MGLL: variants seen among roughly 807,000 people sequenced by gnomAD.
MGLL encodes monoglyceride lipase, also known as lysophospholipase homolog.
MGLL carries 7 observed loss-of-function variants against 29.1 expected under a neutral mutation model. The observed-to-expected ratio is 0.24, with a 90% CI of 0.14 to 0.45. The LOEUF is 0.45. Among genes scored for constraint, MGLL ranks in the 20% least tolerant of loss-of-function variants. The pLI, the probability that MGLL is intolerant of heterozygous loss-of-function variation, is 0.99. For synonymous variants in MGLL, 148 were observed against 168.3 expected (o/e 0.88, Z 0.93); for missense variants, 356 against 413.6 (o/e 0.86, Z 1.21).
chr3:127,812,070 T>C (rs1022146722), intron 2 of MGLL, among the ~76,000 whole-genome samples: 49 of 152,216 alleles, frequency 3.2e-4, no homozygotes, highest in Admixed American at 3.1e-3. Context: ...CAGAAACATT[T>C]CTACCAACCA....
chr3:127,746,279 CG>C (rs2076440978), intron 3 of MGLL, among the ~76,000 whole-genome samples: 1 of 152,182 alleles, frequency 6.6e-6, no homozygotes, highest in African/African-American at 2.4e-5. Context: ...CTCTGCACAG[CG>C]TCCTTCCTAC....
At chr3:127,752,277 T>G (rs2076573654) in intron 3 of MGLL, among the ~76,000 whole-genome samples, 1 of 152,192 alleles carries the variant, frequency 6.6e-6, no homozygotes, top group African/African-American at 2.4e-5. Flanking sequence ...TTTTGTATTT[T>G]TAGTAGAGAT....
rs182957553 is a variant in MGLL at position 127,782,209 on chromosome 3, G to A, written c.156-314C>T. Among the ~76,000 whole-genome samples the A allele has an allele frequency of 4.5e-4, 69 of 152,150 alleles. 1 individual carries two copies. Among genetic ancestry groups the A allele is most frequent in the Admixed American group, 4.1e-3 (63 of 15,278 alleles). ...TGTACTCCAGCCTGGGTGACAGAGC[G>A]AGACTCTGTCTCCAAAAAAATAGAA... On this transcript the variant is annotated intron_variant, in intron 2 of 7. Transcript: ENST00000265052.
chr3:127,734,750 C>T (rs370474609), intron 3 of MGLL, among the ~76,000 whole-genome samples: 20 of 152,244 alleles, frequency 1.3e-4, no homozygotes, highest in African/African-American at 4.6e-4. Flanking sequence ...CCAGCAAATG[C>T]CTTCTCTCTG....
At chr3:127,754,467 A>AGGGCC (rs1384975602) in intron 3 of MGLL, among the ~76,000 whole-genome samples, 1 of 152,184 alleles carries the variant, frequency 6.6e-6, no homozygotes, top group Non-Finnish European at 1.5e-5. Context: ...AACTCTACAC[A>AGGGCC]GGGCCTCACC....
At chr3:127,706,566 T>C (rs1254609334) in intron 6 of MGLL, among the ~76,000 whole-genome samples, 1 of 152,134 alleles carries the variant, frequency 6.6e-6, no homozygotes, top group Non-Finnish European at 1.5e-5. Flanking sequence ...CGTAGAGCAA[T>C]TCACACGCTC....
chr3:127,767,068 A>G (rs2076870794), intron 3 of MGLL, among the ~76,000 whole-genome samples: 2 of 8,262 alleles, frequency 2.4e-4, no homozygotes, highest in African/African-American at 3.1e-4. Flanking sequence ...GTGAGACTCT[A>G]TCAAAAAAAA....
chr3:127,714,619 A>C (rs1172297607), intron 5 of MGLL, among the ~76,000 whole-genome samples: 2 of 150,952 alleles, frequency 1.3e-5, no homozygotes, highest in Non-Finnish European at 1.5e-5. Flanking sequence ...TTTCCCAGTG[A>C]ATGCGCACAC....
chr3:127,769,185 T>G (rs1275216955), intron 3 of MGLL, among the ~76,000 whole-genome samples: 1 of 151,864 alleles, frequency 6.6e-6, no homozygotes, highest in Non-Finnish European at 1.5e-5. Context: ...AACCCCGTCT[T>G]TACTAAAAAT....
At chr3:127,814,515 G>C (rs1186286378) in intron 2 of MGLL, among the ~76,000 whole-genome samples, 1 of 152,200 alleles carries the variant, frequency 6.6e-6, no homozygotes, top group Non-Finnish European at 1.5e-5. Context: ...TGCATTCATG[G>C]ACAAAGTGCA....
chr3:127,731,572 C>A (rs1236408799), intron 3 of MGLL, among the ~76,000 whole-genome samples: 1 of 152,178 alleles, frequency 6.6e-6, no homozygotes, highest in Non-Finnish European at 1.5e-5. Context: ...CACTGTCCCC[C>A]TGTCCTGATC....
intron 2 of MGLL, among the ~76,000 whole-genome samples, chr3:127,817,505 G>T (rs531899038): frequency 6.6e-6 from 1 of 152,174 alleles, no homozygotes; most frequent in African/African-American, 2.4e-5. Flanking sequence ...GTGTCCACTC[G>T]GTAACCCTCT....
chr3:127,726,556 G>A (rs1018120825), intron 3 of MGLL, among the ~76,000 whole-genome samples: 2 of 152,028 alleles, frequency 1.3e-5, no homozygotes, highest in African/African-American at 4.8e-5. Context: ...AGCCTCCCGA[G>A]TAGCTGGGAC....
chr3:127,794,868 G>C (rs924041660), intron 2 of MGLL, among the ~76,000 whole-genome samples: 2 of 152,184 alleles, frequency 1.3e-5, no homozygotes, highest in African/African-American at 4.8e-5. Flanking sequence ...TCAGATTTCT[G>C]TTGAGTTTTT....
chr3:127,701,202 G>C (rs1284737029), intron 6 of MGLL, among the ~76,000 whole-genome samples: 1 of 91,864 alleles, frequency 1.1e-5, no homozygotes, highest in Middle Eastern at 9.1e-3. Flanking sequence ...GCAAGAGAGC[G>C]AGACCCTGCC....
At chr3:127,803,126 C>T (rs904931852) in intron 2 of MGLL, among the ~76,000 whole-genome samples, 6 of 151,974 alleles carry the variant, frequency 3.9e-5, no homozygotes, top group African/African-American at 4.8e-5. Context: ...ATTACAGGTG[C>T]GTCCCCTCAC....
At chr3:127,723,357 C>G (rs887572399) in intron 3 of MGLL, among the ~76,000 whole-genome samples, 9 of 152,380 alleles carry the variant, frequency 5.9e-5, no homozygotes, top group African/African-American at 1.9e-4. Flanking sequence ...GCCAGAGGGG[C>G]TGCCCAGACC....
At chr3:127,795,805 G>T (rs1396449801) in intron 2 of MGLL, among the ~76,000 whole-genome samples, 1 of 152,026 alleles carries the variant, frequency 6.6e-6, no homozygotes, top group Non-Finnish European at 1.5e-5. Flanking sequence ...AGGAATATGG[G>T]TCATTGCACA....
At chr3:127,769,108 T>G (rs868279981) in intron 3 of MGLL, among the ~76,000 whole-genome samples, 1 of 152,180 alleles carries the variant, frequency 6.6e-6, no homozygotes, top group Middle Eastern at 3.4e-3. Flanking sequence ...TCCCGGCACT[T>G]TGGGAGGCTG....
Sources: allele counts gnomAD v4.1 joint callset (sites outside exome capture counted in the v4.1 genomes callset), GRCh38; gene constraint gnomAD v4.1.1; transcripts MANE v1.5; gene names NCBI Gene and HGNC (gene_info 2026-07-23, HGNC 2026-07-21).